GRM8: variants seen among roughly 807,000 people sequenced by gnomAD.
GRM8 encodes metabotropic glutamate receptor 8.
GRM8 carries 47 observed loss-of-function variants against 87.2 expected under a neutral mutation model. The observed-to-expected ratio is 0.54, with a 90% CI of 0.43 to 0.69. The LOEUF is 0.69. GRM8 is among the 30% of genes least tolerant of loss of function. GRM8 has a pLI of 0.00. For synonymous variants in GRM8, 396 were observed against 404.5 expected (o/e 0.98, Z 0.25); for missense variants, 1,019 against 1,139.2 (o/e 0.89, Z 1.52).
chr7:127,018,505 G>C (rs945285579), intron 3 of GRM8, among the ~76,000 whole-genome samples: 3 of 151,426 alleles, frequency 2.0e-5, no homozygotes, highest in African/African-American at 7.3e-5. Context: ...TAGGGTTTGG[G>C]TCAGGGTGGA....
chr7:126,503,295 G>A (rs1809917060), intron 9 of GRM8, among the ~76,000 whole-genome samples: 1 of 152,062 alleles, frequency 6.6e-6, no homozygotes, highest in Non-Finnish European at 1.5e-5. Context: ...AATATAAGAT[G>A]AATATGAGTT....
rs547155891 is a variant in GRM8 at position 126,567,597 on chromosome 7, A to C, written c.1495-33710T>G. 2.6e-5 allele frequency among the ~76,000 whole-genome samples: 4 copies of C among 152,282 alleles called. No homozygotes were observed. In the South Asian group the frequency reaches 6.2e-4, roughly 24 times the overall value. On this transcript the variant is annotated intron_variant, in intron 8 of 10. Transcript: ENST00000339582. ...GGTAGATTTCATGTTAAGTGTTTTT[A>C]ATTATAATACAACAGTTTTTTAATT...
At chr7:126,786,079 T>G (rs1820595817) in intron 6 of GRM8, among the ~76,000 whole-genome samples, 1 of 152,130 alleles carries the variant, frequency 6.6e-6, no homozygotes, top group Admixed American at 6.5e-5. Context: ...CTGTTATCTA[T>G]GGCAAATAAC....
intron 7 of GRM8, among the ~76,000 whole-genome samples, chr7:126,750,924 G>A (rs189998832): frequency 3.3e-5 from 5 of 152,132 alleles, no homozygotes; most frequent in East Asian, 1.9e-4. Context: ...CTACAACTAA[G>A]GGTGAAGTGA....
At chr7:127,084,432 G>A (rs1257336903) in intron 3 of GRM8, 1 of 152,154 alleles carries the variant, frequency 6.6e-6, no homozygotes, top group African/African-American at 2.4e-5. Context: ...TGTGGGAGTA[G>A]ACGAAGGGGC....
chr7:126,944,404 C>T lies in GRM8; in HGVS notation c.728-39721G>A, dbSNP rs191679414. Among the ~76,000 whole-genome samples the T allele has an allele frequency of 2.3e-3, 343 of 152,216 alleles. 2 individuals carry two copies. The highest frequency in any genetic ancestry group is 2.1e-3 in the Non-Finnish European group (146 of 68,016). ...GGAGTCCTGGCCTTGGGCTGTGGCC[C>T]AGCAGAGAACCTAAACTAGATACTT... On this transcript the variant is annotated intron_variant, in intron 3 of 10. Transcript: ENST00000339582.
chr7:126,465,422 C>T (rs1804378318), intron 9 of GRM8: 2 of 151,392 alleles, frequency 1.3e-5, no homozygotes, highest in African/African-American at 2.4e-5. Context: ...AGCTCAATCT[C>T]GGTATTTGAT....
rs28668593 is a variant in GRM8, at chr7:126,722,895, A to T, written c.1357+46970T>A. Among the ~76,000 whole-genome samples, 28 of 143,994 alleles carry T rather than the reference A, an allele frequency of 1.9e-4. No individual in the cohort carries two copies. The East Asian group carries it at 2.4e-3, about 12-fold the overall frequency. The allele number at this position is 143,994 out of a possible 152,430, so 94.5% of individuals were successfully genotyped here. ...CTAATCCTGAGAGCCTGTGAAAAAA[A>T]ATATATATAATTATATATATAATAT... is the stretch of plus-strand genomic sequence containing the variant. On this transcript the variant is annotated intron_variant, in intron 7 of 10. Coordinates refer to ENST00000339582, the MANE Select transcript of GRM8 (RefSeq NM_000845.3).
chr7:127,196,355 C>T (rs1333667358), intron 2 of GRM8, among the ~76,000 whole-genome samples: 4 of 151,924 alleles, frequency 2.6e-5, no homozygotes, highest in African/African-American at 9.7e-5. Flanking sequence ...TTCATCTCTA[C>T]TAAAAATATA....
intron 3 of GRM8, among the ~76,000 whole-genome samples, chr7:127,015,606 G>A (rs1412808033): frequency 5.3e-5 from 8 of 151,990 alleles, no homozygotes; most frequent in Non-Finnish European, 1.0e-4. Context: ...TCGCAATTCC[G>A]ACCACTACCC....
chr7:127,079,248 G>A (rs1245501211), intron 3 of GRM8, among the ~76,000 whole-genome samples: 8 of 151,688 alleles, frequency 5.3e-5, no homozygotes, highest in East Asian at 1.9e-4. Flanking sequence ...TCAGCCTCCC[G>A]AGTAGATGGG....
chr7:126,635,233 CAA>C (rs1424379571), intron 7 of GRM8, among the ~76,000 whole-genome samples: 7 of 79,004 alleles, frequency 8.9e-5, no homozygotes, highest in Non-Finnish European at 1.6e-4. Flanking sequence ...TTGATTTGAT[CAA>C]GAGTATAAAA....
chr7:126,715,313 G>A (rs752806550), intron 7 of GRM8, among the ~76,000 whole-genome samples: 5 of 152,166 alleles, frequency 3.3e-5, no homozygotes, highest in Non-Finnish European at 7.4e-5. Context: ...AATAGCAGCA[G>A]CAGGTGGTTA....
At chr7:126,686,452 A>G (rs1200489955) in intron 7 of GRM8, among the ~76,000 whole-genome samples, 1 of 152,146 alleles carries the variant, frequency 6.6e-6, no homozygotes, top group Admixed American at 6.5e-5. Context: ...TCCCTGAGCC[A>G]GGGCAGTGAC....
At chr7:126,840,584 T>C (rs1434269510) in intron 6 of GRM8, among the ~76,000 whole-genome samples, 2 of 152,210 alleles carry the variant, frequency 1.3e-5, no homozygotes, top group Non-Finnish European at 2.9e-5. Context: ...CTTATGTCTT[T>C]GGACTTTTCA....
chr7:126,933,175 C>G (rs552875954), intron 3 of GRM8, among the ~76,000 whole-genome samples: 3 of 152,318 alleles, frequency 2.0e-5, no homozygotes, highest in African/African-American at 7.2e-5. Context: ...GCTTAGCCCC[C>G]AGCAGAATGC....
intron 7 of GRM8, among the ~76,000 whole-genome samples, chr7:126,689,562 G>C (rs1373369974): frequency 6.6e-6 from 1 of 152,082 alleles, no homozygotes; most frequent in South Asian, 2.1e-4. Flanking sequence ...CTAGATAACT[G>C]AAGACTGCCA....
chr7:127,197,978 G>C (rs1364028398), intron 2 of GRM8, among the ~76,000 whole-genome samples: 1 of 151,662 alleles, frequency 6.6e-6, no homozygotes, highest in African/African-American at 2.4e-5. Context: ...CTTTCTAGAT[G>C]TGGAATCAAA....
At chr7:126,439,825 AGTGTGTGTGTGT>A (rs57638512) in intron 10 of GRM8, among the ~76,000 whole-genome samples, 1 of 142,570 alleles carries the variant, frequency 7.0e-6, no homozygotes, top group Non-Finnish European at 1.5e-5. Context: ...GGCCTAGGCT[AGTGTGTGTGTGT>A]GTGTGTGTGT....
Sources: allele counts gnomAD v4.1 joint callset (sites outside exome capture counted in the v4.1 genomes callset), GRCh38; gene constraint gnomAD v4.1.1; transcripts MANE v1.5; gene names NCBI Gene and HGNC (gene_info 2026-07-23, HGNC 2026-07-21).